The following SLIT2 variants were observed in gnomAD, a reference collection of about 807,000 sequenced individuals.
SLIT2 encodes the protein slit guidance ligand 2, also known as slit homolog 2 protein.
In SLIT2, 41 loss-of-function variants were observed where a neutral mutation model predicts 185.7. The ratio of observed to expected loss-of-function variants is 0.22; its 90% CI spans 0.17 to 0.29. The LOEUF is 0.29. Ranked by LOEUF, SLIT2 falls within the 10% of genes least tolerant of loss-of-function variation. The pLI is 1.00. For missense variants in SLIT2, 1,571 were observed against 1,909.0 expected (o/e 0.82, Z 3.30); for synonymous variants, 693 against 680.2 (o/e 1.02, Z -0.29).
Position 20,529,079 on chromosome 4 carries a change from T to C in SLIT2, c.1593T>C (p.Ile531=). The change falls in exon 16 of 37, where the codon ATT becomes ATC. Residue 531 remains isoleucine, a synonymous_variant. Coordinates refer to ENST00000504154, the MANE Select transcript of SLIT2 (RefSeq NM_004787.4). ...AGCTCAACAAAATCCCGGAGCACAT[T>C]CCCCAGTACACTGCAGAGTTGTAAG... ...NQKLNKIPEH[I]PQYTAELRLN... The C allele has an allele frequency of 6.2e-7, 1 of 1,613,614 alleles. No homozygotes were observed. Among genetic ancestry groups the C allele is most frequent in the South Asian group, 1.1e-5 (1 of 91,004 alleles).
intron 5 of SLIT2, among the ~76,000 whole-genome samples, chr4:20,469,377 A>C (rs1714708241): frequency 6.6e-6 from 1 of 152,188 alleles, no homozygotes; most frequent in African/African-American, 2.4e-5. Context: ...CAAGTAAAAA[A>C]GTGGCCCTCC....
In SLIT2 at chr4:20,567,553, C is replaced by A. The variant is rs1217426510; in HGVS notation, c.2886C>A (p.Ile962=). 3.1e-6 allele frequency: 5 copies of A among 1,613,252 alleles called. No individual in the cohort carries two copies. The highest frequency in any genetic ancestry group is 4.2e-6 in the Non-Finnish European group (5 of 1,179,516). Residue 962 remains isoleucine (I), a synonymous_variant, in exon 28 of 37, where the codon ATC becomes ATA. Coordinates refer to ENST00000504154, the MANE Select transcript of SLIT2 (RefSeq NM_004787.4). Reference sequence around the variant, plus strand: ...GTGATGTCCCAATTCATGCCTGCATCAGTAACCCATGTAAACATGGAGGAA... The same window carrying A: ...GTGATGTCCCAATTCATGCCTGCATAAGTAACCCATGTAAACATGGAGGAA... ...QDCDVPIHAC[I]SNPCKHGGTC...
In SLIT2 at chr4:20,277,361, TA is replaced by T. The variant is rs1358266591; in HGVS notation, c.395+8487del. Among the ~76,000 whole-genome samples, 16 of 152,102 alleles carry T rather than the reference TA, an allele frequency of 1.1e-4. No individual in the cohort carries two copies. The East Asian group carries it at 1.2e-3, about 11-fold the overall frequency. ...GACAAACAGTTTAACCTTGACCCTT[TA>T]AAAAAATATTAATTTAAATTAAATT... On this transcript the variant is annotated intron_variant, in intron 4 of 36. Transcript: ENST00000504154.
intron 4 of SLIT2, among the ~76,000 whole-genome samples, chr4:20,320,381 C>G (rs1223461241): frequency 6.6e-6 from 1 of 152,148 alleles, no homozygotes; most frequent in Non-Finnish European, 1.5e-5. Context: ...GTTTGACTCT[C>G]TGGACTCCCA....
At chr4:20,434,689 G>A (rs559432526) in intron 4 of SLIT2, among the ~76,000 whole-genome samples, 1 of 152,302 alleles carries the variant, frequency 6.6e-6, no homozygotes, top group Admixed American at 6.5e-5. Context: ...CAAGATATAA[G>A]TGGAAACGTA....
At chr4:20,549,390 T>A (rs1723534795) in intron 24 of SLIT2, among the ~76,000 whole-genome samples, 1 of 152,178 alleles carries the variant, frequency 6.6e-6, no homozygotes, top group Admixed American at 6.6e-5. Context: ...TTAAGACATA[T>A]GGTTTATAGA....
At chr4:20,437,910 G>A (rs1320375796) in intron 4 of SLIT2, among the ~76,000 whole-genome samples, 10 of 92,806 alleles carry the variant, frequency 1.1e-4, no homozygotes, top group South Asian at 3.5e-4. Context: ...GCGAGACTCC[G>A]TCTCAAAAAA....
intron 4 of SLIT2, among the ~76,000 whole-genome samples, chr4:20,294,675 AAATT>A (rs1260432253): frequency 2.3e-4 from 35 of 152,148 alleles, no homozygotes; most frequent in African/African-American, 8.4e-4. Flanking sequence ...TACACATGTA[AAATT>A]AATTTGTAAA....
chr4:20,390,979 A>AT (rs1163318496), intron 4 of SLIT2, among the ~76,000 whole-genome samples: 2 of 151,908 alleles, frequency 1.3e-5, no homozygotes, highest in African/African-American at 4.8e-5. Context: ...ATCTTACATA[A>AT]TTTTTTCCAG....
At chr4:20,503,442 AAAC>A (rs1327498407) in intron 9 of SLIT2, among the ~76,000 whole-genome samples, 2 of 152,186 alleles carry the variant, frequency 1.3e-5, no homozygotes, top group Admixed American at 6.5e-5. Context: ...ATGAGAAATA[AAAC>A]AACAAAACTT....
intron 3 of SLIT2, among the ~76,000 whole-genome samples, chr4:20,266,840 G>A (rs566571980): frequency 1.3e-5 from 2 of 152,110 alleles, no homozygotes; most frequent in African/African-American, 4.8e-5. Flanking sequence ...AGGAGAATCA[G>A]GGGAAGGTTC....
intron 29 of SLIT2, among the ~76,000 whole-genome samples, chr4:20,582,543 T>C (rs1250314101): frequency 6.6e-6 from 1 of 152,216 alleles, no homozygotes; most frequent in African/African-American, 2.4e-5. Flanking sequence ...ACTGAATCCC[T>C]CTTCATCCCA....
chr4:20,319,399 A>G (rs1383751129), intron 4 of SLIT2, among the ~76,000 whole-genome samples: 3 of 152,196 alleles, frequency 2.0e-5, no homozygotes, highest in East Asian at 1.9e-4. Flanking sequence ...AAAATCGCCC[A>G]TGTTTTTCAG....
rs1729315694 is a variant in SLIT2, at chr4:20,435,902, A to G, written c.396-31850A>G. Among the ~76,000 whole-genome samples the G allele has an allele frequency of 1.3e-5, 2 of 152,222 alleles. 1 individual carries two copies. The highest frequency in any genetic ancestry group is 4.1e-4 in the South Asian group (2 of 4,824). ...TTGCATTTGTGGGATGACTAGGAGT[A>G]CATGTGAGGATTTATAAAGGTCTGA... On this transcript the variant is annotated intron_variant, in intron 4 of 36. Coordinates refer to ENST00000504154, the MANE Select transcript of SLIT2 (RefSeq NM_004787.4).
intron 12 of SLIT2, 110 bp downstream of exon 12, chr4:20,519,563 G>A (rs2148842021): frequency 1.5e-6 from 1 of 657,184 alleles, no homozygotes; most frequent in South Asian, 1.9e-5. Flanking sequence ...AAATGATACA[G>A]TTTAACAAAA....
At chr4:20,255,931 G>A (rs1711776060) in intron 1 of SLIT2, among the ~76,000 whole-genome samples, 1 of 152,174 alleles carries the variant, frequency 6.6e-6, no homozygotes. Flanking sequence ...ACCAGGGCAA[G>A]TTTAGATCTT....
intron 4 of SLIT2, among the ~76,000 whole-genome samples, chr4:20,284,653 A>T (rs542682570): frequency 6.6e-6 from 1 of 152,234 alleles, no homozygotes; most frequent in East Asian, 1.9e-4. Context: ...CTAAGCACTT[A>T]TGCATAGGTG....
At position 20,600,856 on chromosome 4, in the gene SLIT2, A is replaced by C. The variant is rs1000645812; in HGVS notation, c.3692+2461A>C. On this transcript the variant is annotated intron_variant, in intron 33 of 36. Coordinates refer to ENST00000504154, the MANE Select transcript of SLIT2 (RefSeq NM_004787.4). ...CTATGACCTTATTTTTTAATAAAAG[A>C]GGCAACAATTACCAAGAATTCAGAT... Among the ~76,000 whole-genome samples, 4 of 152,006 alleles carry C rather than the reference A, an allele frequency of 2.6e-5. No homozygotes were observed. In the South Asian group the frequency reaches 8.3e-4, roughly 32 times the overall value.
At position 20,522,259 on chromosome 4, in the gene SLIT2, G is replaced by A. The variant is rs1050697958; in HGVS notation, c.1131-1501G>A. Among the ~76,000 whole-genome samples, 3 of 152,106 alleles carry A rather than the reference G, an allele frequency of 2.0e-5. No homozygotes were observed. In the East Asian group the frequency reaches 5.8e-4, roughly 29 times the overall value. On this transcript the variant is annotated intron_variant, in intron 12 of 36. Coordinates refer to ENST00000504154, the MANE Select transcript of SLIT2 (RefSeq NM_004787.4). ...TGCAACTCATCTATAAAACTGTCCT[G>A]TATGTGTTTCCAAAGGCATTAGGCC... is the stretch of plus-strand genomic sequence containing the variant.
Sources: allele counts gnomAD v4.1 joint callset (sites outside exome capture counted in the v4.1 genomes callset), GRCh38; gene constraint gnomAD v4.1.1; transcripts MANE v1.5; gene names NCBI Gene and HGNC (gene_info 2026-07-23, HGNC 2026-07-21).